Variants in OGDH observed in about 807,000 individuals in gnomAD.
OGDH encodes oxoglutarate dehydrogenase, also known as 2-oxoglutarate dehydrogenase complex component E1.
Under a neutral mutation model 116.6 loss-of-function variants are expected in OGDH, and 38 were observed. The ratio of observed to expected loss-of-function variants is 0.33; its 90% CI spans 0.25 to 0.43. The LOEUF is 0.43. Among genes scored for constraint, OGDH ranks in the 20% least tolerant of loss-of-function variants. The pLI is 1.00. For synonymous variants in OGDH, 488 were observed against 533.3 expected (o/e 0.92, Z 1.17); for missense variants, 825 against 1,357.2 (o/e 0.61, Z 6.16).
At chr7:44,650,649 A>G (rs1786397065) in intron 4 of OGDH, among the ~76,000 whole-genome samples, 1 of 152,180 alleles carries the variant, frequency 6.6e-6, no homozygotes, top group East Asian at 1.9e-4. Context: ...TTAGTGGTGA[A>G]GACTGCCCTG....
intron 1 of OGDH, among the ~76,000 whole-genome samples, chr7:44,610,009 T>A (rs1784501041): frequency 6.6e-6 from 1 of 152,174 alleles, no homozygotes; most frequent in African/African-American, 2.4e-5. Context: ...AGAGATGGGA[T>A]CTTGCTATGT....
At chr7:44,664,928 CAGG>C (rs1270337864) in intron 4 of OGDH, among the ~76,000 whole-genome samples, 1 of 152,208 alleles carries the variant, frequency 6.6e-6, no homozygotes, top group Non-Finnish European at 1.5e-5. Context: ...ACCTACTTCA[CAGG>C]GTCCATGCTG....
At chr7:44,627,492 A>T (rs1360950888) in intron 2 of OGDH, among the ~76,000 whole-genome samples, 1 of 152,204 alleles carries the variant, frequency 6.6e-6, no homozygotes, top group Non-Finnish European at 1.5e-5. Context: ...TAGGATTTAG[A>T]TAGATCATCT....
chr7:44,637,902 G>A (rs778694863), intron 2 of OGDH, among the ~76,000 whole-genome samples: 6 of 152,152 alleles, frequency 3.9e-5, no homozygotes, highest in Non-Finnish European at 5.9e-5. Flanking sequence ...TTTATGTGTG[G>A]TAAGAACTTC....
At chr7:44,656,334 G>A in intron 4 of OGDH, 1 of 1,535,912 alleles carries the variant, frequency 6.5e-7, no homozygotes, top group South Asian at 1.2e-5. Context: ...CAGTTTTCAA[G>A]GAACGACTTC....
At chr7:44,683,704 A>G (rs1472878163) in intron 10 of OGDH, among the ~76,000 whole-genome samples, 2 of 152,170 alleles carry the variant, frequency 1.3e-5, no homozygotes, top group Admixed American at 1.3e-4. Flanking sequence ...ATATCTTATA[A>G]CTTGTTTCAT....
rs571366384 is a variant in OGDH at position 44,635,406 on chromosome 7, G to A, written c.223-9921G>A. ...GCGAGGGCCTTTGAGCATGGGTGTG[G>A]CTCCATGCAGCAAGGAGACCGGAGC... On this transcript the variant is annotated intron_variant, in intron 2 of 22. Transcript: ENST00000222673. 1.3e-4 allele frequency among the ~76,000 whole-genome samples: 20 copies of A among 152,294 alleles called. No homozygotes were observed. In the South Asian group the frequency reaches 3.9e-3, roughly 30 times the overall value.
intron 13 of OGDH, 64 bp from the exon 14 acceptor site, chr7:44,696,365 G>T (rs573108419): frequency 6.4e-7 from 1 of 1,572,808 alleles, no homozygotes; most frequent in Non-Finnish European, 8.6e-7. Context: ...TCACGTGTCT[G>T]CCATTTTGTG....
intron 20 of OGDH, among the ~76,000 whole-genome samples, chr7:44,703,564 A>G (rs965855421): frequency 1.3e-5 from 2 of 151,826 alleles, no homozygotes; most frequent in Non-Finnish European, 2.9e-5. Flanking sequence ...TACGAAAAAT[A>G]CAAAAATTAG....
intron 9 of OGDH, among the ~76,000 whole-genome samples, chr7:44,678,058 C>T (rs1244458404): frequency 5.3e-5 from 8 of 152,018 alleles, no homozygotes; most frequent in East Asian, 3.8e-4. Context: ...CTGTAAAGAA[C>T]GAGTATGACC....
At chr7:44,684,095 G>A (rs1788036016) in intron 10 of OGDH, among the ~76,000 whole-genome samples, 1 of 152,184 alleles carries the variant, frequency 6.6e-6, no homozygotes, top group African/African-American at 2.4e-5. Context: ...AGGTCAGGTA[G>A]GCAAATATTG....
intron 20 of OGDH, among the ~76,000 whole-genome samples, chr7:44,706,308 G>C (rs1294316072): frequency 6.7e-6 from 1 of 148,552 alleles, no homozygotes; most frequent in Non-Finnish European, 1.5e-5. Flanking sequence ...GTAAACATGG[G>C]ATTTTTTTTA....
intron 10 of OGDH, among the ~76,000 whole-genome samples, chr7:44,688,006 A>G (rs1031279152): frequency 2.0e-5 from 3 of 152,184 alleles, no homozygotes; most frequent in Admixed American, 2.0e-4. Flanking sequence ...ATATTAATTG[A>G]ATCATACAAT....
chr7:44,607,962 A>G (rs375595876), intron 1 of OGDH, among the ~76,000 whole-genome samples: 1 of 148,968 alleles, frequency 6.7e-6, no homozygotes, highest in South Asian at 2.1e-4. Flanking sequence ...TCGGCCCCCA[A>G]AGTGCTGGGA....
chr7:44,694,546 G>A lies in OGDH; in HGVS notation c.1638G>A (p.Ser546=), dbSNP rs772241872. The part of the protein sequence containing the change: ...VLQKYAELLV[S]QGVVNQPEYE... ...AGAAGTACGCTGAGCTGCTGGTGTC[G>A]CAGGGTGTGGTCAACCAGCCTGAGT... Residue 546 remains serine (S), a synonymous_variant, in exon 12 of 23, where the codon TCG becomes TCA. Transcript: ENST00000222673. This position sits in a 1 kb window ranked among gnomAD's most constrained non-coding sequence, Gnocchi z 4.2. 27 of 1,613,972 alleles carry A rather than the reference G, an allele frequency of 1.7e-5. No individual in the cohort carries two copies. The East Asian group carries it at 2.7e-4, about 16-fold the overall frequency.
chr7:44,696,839 A>T, intron 14 of OGDH, 75 bp from the exon 15 acceptor site: 1 of 1,491,684 alleles, frequency 6.7e-7, no homozygotes, highest in South Asian at 1.3e-5. Context: ...CGCTCTTGCC[A>T]TGGGCACGCT....
At chr7:44,670,871 C>T (rs527983145) in intron 5 of OGDH, among the ~76,000 whole-genome samples, 5 of 151,706 alleles carry the variant, frequency 3.3e-5, no homozygotes, top group East Asian at 1.9e-4. Context: ...ATTAGCTGGG[C>T]GTGGTGGCGG....
At chr7:44,633,117 G>C (rs1422492330) in intron 2 of OGDH, among the ~76,000 whole-genome samples, 1 of 151,692 alleles carries the variant, frequency 6.6e-6, no homozygotes, top group Non-Finnish European at 1.5e-5. Flanking sequence ...GCCGGGCATG[G>C]TGGCGCACCC....
Position 44,642,435 on chromosome 7 carries a change from A to G in OGDH, c.223-2892A>G, listed in dbSNP as rs536114786. Reference sequence around the variant, plus strand: ...CCAGACCCTGTCTCAAAAAATAAAAAAGAAAGAAAAGGAAAGTTTGCAGCC... The same window carrying G: ...CCAGACCCTGTCTCAAAAAATAAAAGAGAAAGAAAAGGAAAGTTTGCAGCC... On this transcript the variant is annotated intron_variant, in intron 2 of 22. Coordinates refer to ENST00000222673, the MANE Select transcript of OGDH (RefSeq NM_002541.4). Among the ~76,000 whole-genome samples, 8 of 151,746 alleles carry G rather than the reference A, an allele frequency of 5.3e-5. No individual in the cohort carries two copies. The South Asian group carries it at 1.7e-3, about 32-fold the overall frequency.
Sources: allele counts gnomAD v4.1 joint callset (sites outside exome capture counted in the v4.1 genomes callset), GRCh38; gene constraint gnomAD v4.1.1; non-coding constraint Gnocchi (gnomAD v3.1); transcripts MANE v1.5; gene names NCBI Gene and HGNC (gene_info 2026-07-23, HGNC 2026-07-21).